Variants in NAALADL2 observed in about 807,000 individuals in gnomAD.
NAALADL2 encodes the protein inactive N-acetylated-alpha-linked acidic dipeptidase-like protein 2.
A neutral mutation model predicts 87.2 loss-of-function variants in NAALADL2; 76 were observed. The observed-to-expected ratio is 0.87, with a 90% confidence interval of 0.72 to 1.05. The LOEUF is 1.05. Among genes scored for constraint, NAALADL2 ranks in the 50% least tolerant of loss-of-function variants. The probability of loss-of-function intolerance (pLI) is 0.00; values close to 1 mark genes in which losing one functional copy is unlikely to be tolerated. For missense variants in NAALADL2, 1,089 were observed against 945.8 expected, an observed-to-expected ratio of 1.15 and a Z score of -1.99; for synonymous variants, 354 against 331.0, an observed-to-expected ratio of 1.07 and a Z score of -0.75.
chr3:175,655,275 A>T (rs1731302366), intron 11 of NAALADL2, among the ~76,000 whole-genome samples: 1 of 152,166 alleles, frequency 6.6e-6, no homozygotes, highest in Non-Finnish European at 1.5e-5. Flanking sequence ...ATATCATAAA[A>T]TAGGTGAGTA....
intron 11 of NAALADL2, among the ~76,000 whole-genome samples, chr3:175,711,666 T>G (rs1470669880): frequency 6.6e-6 from 1 of 151,910 alleles, no homozygotes; most frequent in East Asian, 1.9e-4. Context: ...TCTTATAAAA[T>G]GTATTTTTAT....
chr3:174,715,108 G>A (rs563663224), intron 2 of NAALADL2, among the ~76,000 whole-genome samples: 7 of 152,152 alleles, frequency 4.6e-5, no homozygotes, highest in South Asian at 2.1e-4. Flanking sequence ...TTAGTCAATC[G>A]GCTTTTATAT....
chr3:175,479,479 A>G (rs1359257594), intron 9 of NAALADL2, among the ~76,000 whole-genome samples: 3 of 151,830 alleles, frequency 2.0e-5, no homozygotes, highest in Non-Finnish European at 4.4e-5. Flanking sequence ...ATCTTGTGAA[A>G]AATGGCCACA....
intron 2 of NAALADL2, among the ~76,000 whole-genome samples, chr3:174,664,950 C>T (rs531319548): frequency 5.9e-5 from 9 of 152,296 alleles, no homozygotes; most frequent in African/African-American, 1.9e-4. Flanking sequence ...TTTCAGCATA[C>T]CAAGCAACTT....
At chr3:174,497,711 C>T (rs945368323) in intron 1 of NAALADL2, among the ~76,000 whole-genome samples, 1 of 152,010 alleles carries the variant, frequency 6.6e-6, no homozygotes, top group Non-Finnish European at 1.5e-5. Context: ...TTGAAGCTGG[C>T]GCAGACTGAC....
At chr3:174,515,582 T>C (rs1483129990) in intron 1 of NAALADL2, among the ~76,000 whole-genome samples, 1 of 151,942 alleles carries the variant, frequency 6.6e-6, no homozygotes, top group African/African-American at 2.4e-5. Flanking sequence ...TCAGGTACTA[T>C]ATTAATAAAT....
At chr3:174,601,802 C>A (rs1718483910) in intron 2 of NAALADL2, among the ~76,000 whole-genome samples, 1 of 152,038 alleles carries the variant, frequency 6.6e-6, no homozygotes, top group African/African-American at 2.4e-5. Flanking sequence ...GTCTTTAATC[C>A]ACTTTGATTT....
At chr3:174,996,072 G>C (rs550877047) in intron 1 of NAALADL2, among the ~76,000 whole-genome samples, 2 of 152,154 alleles carry the variant, frequency 1.3e-5, no homozygotes, top group Admixed American at 6.6e-5. Context: ...TGAATTTTAA[G>C]AAAGCTAGAT....
intron 1 of NAALADL2, among the ~76,000 whole-genome samples, chr3:175,020,640 G>C (rs1751444881): frequency 6.6e-6 from 1 of 151,976 alleles, no homozygotes; most frequent in Non-Finnish European, 1.5e-5. Context: ...GGCCTTACTT[G>C]TTTTCAGCTT....
At chr3:174,673,345 A>G (rs890432378) in intron 2 of NAALADL2, among the ~76,000 whole-genome samples, 36 of 152,010 alleles carry the variant, frequency 2.4e-4, no homozygotes, top group African/African-American at 8.0e-4. Context: ...AGAAATATGT[A>G]TTTTAGGCTG....
intron 1 of NAALADL2, among the ~76,000 whole-genome samples, chr3:174,473,926 A>C (rs2108315959): frequency 6.6e-6 from 1 of 152,208 alleles, no homozygotes; most frequent in Non-Finnish European, 1.5e-5. Flanking sequence ...GCCTCAGGAA[A>C]CTTATAATCA....
chr3:175,554,703 G>T (rs1714980120), intron 9 of NAALADL2, among the ~76,000 whole-genome samples: 2 of 151,852 alleles, frequency 1.3e-5, no homozygotes, highest in Non-Finnish European at 2.9e-5. Context: ...AACAACTTTA[G>T]AAATCATTTA....
chr3:174,725,381 C>T (rs2108964375), intron 2 of NAALADL2, among the ~76,000 whole-genome samples: 1 of 152,186 alleles, frequency 6.6e-6, no homozygotes, highest in Admixed American at 6.5e-5. Flanking sequence ...CTTTTATTTA[C>T]CTAGTACTGC....
At chr3:174,855,978 G>GTA (rs1284447372), upstream of NAALADL2, among the ~76,000 whole-genome samples, 50 of 83,282 alleles carry the variant, frequency 6.0e-4, no homozygotes, top group African/African-American at 1.9e-3. Context: ...GTGTGTGTGT[G>GTA]TGTATATATA....
intron 1 of NAALADL2, among the ~76,000 whole-genome samples, chr3:175,038,865 G>T (rs950128308): frequency 6.6e-6 from 1 of 152,018 alleles, no homozygotes; most frequent in Admixed American, 6.6e-5. Context: ...GTGAAAGAGG[G>T]TGCTATTAAT....
Position 174,939,025 on chromosome 3 carries a change from C to T in NAALADL2, c.43+79575C>T, listed in dbSNP as rs74555539. Among the ~76,000 whole-genome samples, 707 of 151,982 alleles carry T rather than the reference C, an allele frequency of 4.7e-3. 4 individuals carry two copies. Among genetic ancestry groups the T allele is most frequent in the Middle Eastern group, 0.037 (11 of 294 alleles). On this transcript the variant is annotated intron_variant, in intron 1 of 13. Transcript: ENST00000454872. ...CTCTTAAGTTTAATTAGATCCTTCT[C>T]GTCAATTTTTGCTTTTGTTGTCATT... is the stretch of plus-strand genomic sequence containing the variant.
At chr3:174,530,606 C>A (rs1028705623) in intron 1 of NAALADL2, among the ~76,000 whole-genome samples, 2 of 152,156 alleles carry the variant, frequency 1.3e-5, no homozygotes, top group African/African-American at 4.8e-5. Flanking sequence ...GCTGGGGAGG[C>A]CTCACAATCA....
chr3:175,642,387 A>G (rs565810791), intron 11 of NAALADL2, among the ~76,000 whole-genome samples: 6 of 152,312 alleles, frequency 3.9e-5, no homozygotes, highest in Admixed American at 3.3e-4. Context: ...GAAATAACGG[A>G]GATTGACCAC....
intron 10 of NAALADL2, among the ~76,000 whole-genome samples, chr3:175,601,059 GT>G (rs1172024218): frequency 6.6e-6 from 1 of 151,884 alleles, no homozygotes; most frequent in African/African-American, 2.4e-5. Flanking sequence ...AAACAAAGTG[GT>G]TTTTTTCCGC....
Sources: gnomAD v4.1 joint callset for allele counts (sites outside exome capture counted in the v4.1 genomes callset) on GRCh38, gnomAD v4.1.1 for gene constraint, MANE v1.5 for transcripts, NCBI Gene and HGNC (gene_info 2026-07-23, HGNC 2026-07-21) for gene names.